Variants in ATRN observed in about 807,000 individuals in gnomAD.
ATRN encodes attractin-2.
Under a neutral mutation model 178.7 loss-of-function variants are expected in ATRN, and 54 were observed. That is an observed-to-expected ratio of 0.30 (90% CI 0.24 to 0.38). The LOEUF is 0.38. Ranked by LOEUF, ATRN falls within the 10% of genes least tolerant of loss-of-function variation. ATRN has a pLI of 1.00. For synonymous variants in ATRN, 636 were observed against 663.0 expected (o/e 0.96, Z 0.63); for missense variants, 1,443 against 1,815.1 (o/e 0.79, Z 3.73).
At chr20:3,570,807 G>A (rs1401064520) in intron 11 of ATRN, among the ~76,000 whole-genome samples, 1 of 152,210 alleles carries the variant, frequency 6.6e-6, no homozygotes, top group Non-Finnish European at 1.5e-5. Flanking sequence ...TGACAGGAGG[G>A]AGAAAGAATG....
rs61692220 is a variant in ATRN, at chr20:3,641,590, CAAAAAAAAA to C, written c.4051-2547_4051-2539del. On this transcript the variant is annotated intron_variant, in intron 27 of 28. Coordinates refer to ENST00000262919, the MANE Select transcript of ATRN (RefSeq NM_139321.3). ...TGGGCGACAGAACAAGACTCTGTCG[CAAAAAAAAA>C]AAAAAAAAAAAAAAAAGGGAAAAGA... Among the ~76,000 whole-genome samples the C allele has an allele frequency of 3.1e-3, 147 of 47,826 alleles. 1 individual carries two copies. Among genetic ancestry groups the C allele is most frequent in the African/African-American group, 0.014 (141 of 9,946 alleles). The allele number at this position is 47,826 out of a possible 152,430, so 31.4% of individuals were successfully genotyped here.
chr20:3,574,604 C>A (rs1284819676), intron 12 of ATRN, among the ~76,000 whole-genome samples: 1 of 152,216 alleles, frequency 6.6e-6, no homozygotes, highest in Non-Finnish European at 1.5e-5. Flanking sequence ...CAGAACTTAG[C>A]AGGGTTAGCT....
In ATRN at chr20:3,553,762, G is replaced by A. The variant is rs116243956; in HGVS notation, c.1112+4424G>A. ...TGGTCTAGACTGTTCCTGCTATTGT[G>A]CCTCAGGGCTGGTGTCTTCTCACCC... On this transcript the variant is annotated intron_variant, in intron 6 of 28. Coordinates refer to ENST00000262919, the MANE Select transcript of ATRN (RefSeq NM_139321.3). Among the ~76,000 whole-genome samples, 965 of 152,296 alleles carry A rather than the reference G, an allele frequency of 6.3e-3. 7 individuals are homozygous for A. Among genetic ancestry groups the A allele is most frequent in the African/African-American group, 0.022 (911 of 41,560 alleles).
intron 28 of ATRN, 52 bp from the exon 29 acceptor site, chr20:3,646,671 A>C (rs531205211): frequency 6.7e-7 from 1 of 1,492,774 alleles, no homozygotes; most frequent in Non-Finnish European, 8.9e-7. Context: ...TTTTTAAAAC[A>C]AAATAAAAGC....
intron 6 of ATRN, among the ~76,000 whole-genome samples, chr20:3,551,985 G>A (rs2085793856): frequency 6.6e-6 from 1 of 152,144 alleles, no homozygotes; most frequent in Non-Finnish European, 1.5e-5. Context: ...CTTAGGAGCT[G>A]AATTTTTTAT....
intron 2 of ATRN, among the ~76,000 whole-genome samples, chr20:3,535,614 C>T (rs1300397520): frequency 6.9e-6 from 1 of 144,298 alleles, no homozygotes; most frequent in Admixed American, 7.0e-5. Flanking sequence ...CACACACACA[C>T]ACACACACAC....
chr20:3,629,551 A>C (rs1309432034), intron 25 of ATRN, among the ~76,000 whole-genome samples: 1 of 152,198 alleles, frequency 6.6e-6, no homozygotes, highest in African/African-American at 2.4e-5. Flanking sequence ...GTTCAGTTCC[A>C]TTCAGACACT....
Position 3,645,318 on chromosome 20 carries a change from G to C in ATRN, c.4165+1050G>C, listed in dbSNP as rs761069611. 6.6e-6 allele frequency among the ~76,000 whole-genome samples: 1 copy of C among 152,224 alleles called. No individual in the cohort carries two copies. Among genetic ancestry groups the C allele is most frequent in the South Asian group, 2.1e-4 (1 of 4,834 alleles). ...TGGTTAGGATCTATAGTATCTTCACGAGGGAGGCCTTTCGACATGGCTCGG... is the reference window on the plus strand; with the variant it reads ...TGGTTAGGATCTATAGTATCTTCACCAGGGAGGCCTTTCGACATGGCTCGG... On this transcript the variant is annotated intron_variant, in intron 28 of 28. Coordinates refer to ENST00000262919, the MANE Select transcript of ATRN (RefSeq NM_139321.3). This position sits in a 1 kb window ranked among gnomAD's most constrained non-coding sequence, Gnocchi z 4.7.
chr20:3,516,678 A>C (rs149975417), intron 1 of ATRN, among the ~76,000 whole-genome samples: 50 of 152,270 alleles, frequency 3.3e-4, no homozygotes, highest in South Asian at 1.5e-3. Context: ...TCAGCTACCT[A>C]CTAGCTCTCT....
At chr20:3,644,354 G>T (rs937185605) in intron 28 of ATRN, 86 bp downstream of exon 28, 6 of 1,176,678 alleles carry the variant, frequency 5.1e-6, no homozygotes, top group African/African-American at 4.6e-5. Context: ...AGAGAACAAG[G>T]TTATAAAGGT....
At chr20:3,513,852 G>T (rs1348789746) in intron 1 of ATRN, among the ~76,000 whole-genome samples, 3 of 152,140 alleles carry the variant, frequency 2.0e-5, no homozygotes, top group African/African-American at 7.2e-5. Context: ...TCTCTTTGAA[G>T]CAATTGTGAA....
intron 1 of ATRN, among the ~76,000 whole-genome samples, chr20:3,502,214 C>T (rs1454424818): frequency 6.6e-6 from 1 of 151,918 alleles, no homozygotes; most frequent in East Asian, 1.9e-4. Flanking sequence ...TAAAAATTGG[C>T]TGAAAATGAA....
rs547599550 is a variant in ATRN at position 3,545,951 on chromosome 20, C to T, written c.737+61C>T. The T allele has an allele frequency of 1.5e-5, 24 of 1,552,994 alleles. No homozygotes were observed. The East Asian group carries it at 5.0e-4, about 32-fold the overall frequency. On this transcript the variant is annotated intron_variant, in intron 4 of 28. Coordinates refer to ENST00000262919, the MANE Select transcript of ATRN (RefSeq NM_139321.3). ...CAGGAGACTATCTACTATGTTTTAA[C>T]AACAATAATGGCTAACATAGATTGA...
intron 12 of ATRN, among the ~76,000 whole-genome samples, chr20:3,573,600 G>A (rs1204545226): frequency 6.6e-6 from 1 of 152,066 alleles, no homozygotes; most frequent in African/African-American, 2.4e-5. Context: ...AGTTACTGAG[G>A]ATGGGCGATG....
chr20:3,619,508 C>A (rs1446336293), intron 24 of ATRN, among the ~76,000 whole-genome samples: 1 of 152,222 alleles, frequency 6.6e-6, no homozygotes, highest in African/African-American at 2.4e-5. Flanking sequence ...CCTAGTCATT[C>A]AGTATTCATT....
intron 21 of ATRN, among the ~76,000 whole-genome samples, chr20:3,597,612 G>A (rs2086549443): frequency 6.6e-6 from 1 of 152,208 alleles, no homozygotes; most frequent in Non-Finnish European, 1.5e-5. Flanking sequence ...CAGGCATGCA[G>A]TTGGAAAAGG....
At chr20:3,633,265 G>A (rs2087002357) in intron 25 of ATRN, among the ~76,000 whole-genome samples, 1 of 152,222 alleles carries the variant, frequency 6.6e-6, no homozygotes, top group Admixed American at 6.5e-5. Context: ...ATTGCCTGTT[G>A]TCAGGGCACC....
chr20:3,593,645 A>G (rs533938836), intron 19 of ATRN, among the ~76,000 whole-genome samples: 3 of 152,314 alleles, frequency 2.0e-5, no homozygotes, highest in African/African-American at 7.2e-5. Context: ...TTCTGACTTC[A>G]GCATCCATTC....
Position 3,547,331 on chromosome 20 carries a change from T to C in ATRN, c.785T>C (p.Ile262Thr). ...TGCTCAGGCCGAGGAGAGTGTAAGA[T>C]CAGTAATAGCAGCGATACTGTTGAA... ...NNCSGRGECK[I>T]SNSSDTVECE... The change falls in exon 5 of 29, where the codon ATC becomes ACC. Residue 262 changes from isoleucine to threonine, a missense_variant. Physicochemically the swap from Ile to Thr is moderately conservative, Grantham distance 89. This residue lies in a region of ATRN where 862 missense variants were observed against 972.1 expected (regional missense o/e 0.89). Coordinates refer to ENST00000262919, the MANE Select transcript of ATRN (RefSeq NM_139321.3). 1 of 1,614,124 alleles carries C rather than the reference T, an allele frequency of 6.2e-7. No homozygotes were observed. The highest frequency in any genetic ancestry group is 8.5e-7 in the Non-Finnish European group (1 of 1,179,992).
Sources: gnomAD v4.1 joint callset for allele counts (sites outside exome capture counted in the v4.1 genomes callset) on GRCh38, gnomAD v4.1.1 for gene constraint, gnomAD v4.1.1 regional missense constraint, Gnocchi (gnomAD v3.1) non-coding constraint, MANE v1.5 for transcripts, NCBI Gene and HGNC (gene_info 2026-07-23, HGNC 2026-07-21) for gene names.